Variants in POTEJ observed in about 807,000 individuals in gnomAD.
POTEJ encodes the protein POTE ankyrin domain family member J.
POTEJ carries 11 observed loss-of-function variants against 69.0 expected under a neutral mutation model. That is an observed-to-expected ratio of 0.16 (90% CI 0.10 to 0.26). The LOEUF (loss-of-function observed/expected upper bound fraction) is 0.26, where lower values mean the gene tolerates loss of function less well. Among genes scored for constraint, POTEJ ranks in the 10% least tolerant of loss-of-function variants. The pLI, the probability that POTEJ is intolerant of heterozygous loss-of-function variation, is 1.00. For missense variants in POTEJ, 327 were observed against 1,045.5 expected (o/e 0.31, Z 9.48); for synonymous variants, 117 against 381.1 (o/e 0.31, Z 8.07).
At chr2:130,646,947 C>T (rs1686599466) in intron 13 of POTEJ, among the ~76,000 whole-genome samples, 1 of 148,458 alleles carries the variant, frequency 6.7e-6, no homozygotes, top group Non-Finnish European at 1.5e-5. Context: ...CATATTCACA[C>T]ACACATATAT....
chr2:130,655,206 T>C (rs2105265966), intron 14 of POTEJ, among the ~76,000 whole-genome samples, 165 bp downstream of exon 14: 1 of 151,922 alleles, frequency 6.6e-6, no homozygotes. Context: ...GCCATGTTCT[T>C]AATTCACCTT....
chr2:130,627,042 G>A (rs1159835547), intron 6 of POTEJ, among the ~76,000 whole-genome samples: 1 of 152,166 alleles, frequency 6.6e-6, no homozygotes, highest in Non-Finnish European at 1.5e-5. Flanking sequence ...GGGGGACAGA[G>A]AGAAATGTCA....
intron 9 of POTEJ, among the ~76,000 whole-genome samples, chr2:130,633,169 G>T (rs1441505304): frequency 2.1e-5 from 3 of 142,008 alleles, no homozygotes; most frequent in Non-Finnish European, 4.6e-5. Context: ...GCATTAGTTT[G>T]CTTAGGATAA....
intron 9 of POTEJ, among the ~76,000 whole-genome samples, chr2:130,636,363 C>A (rs1573984278): frequency 1.3e-5 from 2 of 150,992 alleles, no homozygotes; most frequent in South Asian, 2.1e-4. Flanking sequence ...TTCAATGAAA[C>A]AAAGTGATTT....
intron 6 of POTEJ, among the ~76,000 whole-genome samples, chr2:130,629,261 A>T (rs559581060): frequency 1.7e-3 from 255 of 148,610 alleles, no homozygotes; most frequent in African/African-American, 6.2e-3. Context: ...CCCTGAACAA[A>T]GACAGGGCTT....
intron 8 of POTEJ, among the ~76,000 whole-genome samples, chr2:130,632,154 A>G (rs1286372852): frequency 6.6e-6 from 1 of 151,114 alleles, no homozygotes; most frequent in Non-Finnish European, 1.5e-5. Context: ...GCGTGTTCCC[A>G]TGAGTCAAAT....
intron 14 of POTEJ, among the ~76,000 whole-genome samples, chr2:130,656,262 C>A (rs1403449205): frequency 8.4e-5 from 12 of 142,696 alleles, no homozygotes; most frequent in Admixed American, 3.5e-4. Flanking sequence ...TCTTAAAAAT[C>A]CTCTAGTGAT....
At chr2:130,614,106 G>A (rs1325379761) in intron 1 of POTEJ, among the ~76,000 whole-genome samples, 2 of 123,760 alleles carry the variant, frequency 1.6e-5, no homozygotes, top group Non-Finnish European at 3.3e-5. Flanking sequence ...GCAGTGAGCC[G>A]AGATCGCGCC....
At chr2:130,655,518 A>G (rs1373252290) in intron 14 of POTEJ, among the ~76,000 whole-genome samples, 23 of 152,198 alleles carry the variant, frequency 1.5e-4, no homozygotes, top group African/African-American at 5.1e-4. Flanking sequence ...TCTCATTTCA[A>G]TGTAAAGAGG....
Position 130,645,618 on chromosome 2 carries a change from T to G in POTEJ, c.1441-119T>G, listed in dbSNP as rs1686551313. On this transcript the variant is annotated intron_variant, in intron 11 of 14. Coordinates refer to ENST00000409602, the MANE Select transcript of POTEJ (RefSeq NM_001277083.2). The stretch of plus-strand genomic sequence containing the variant: ...CAGTTTAATTTTAATTACTTTCTAA[T>G]TTTTATTGTCCATACTTGATTACTT... 4.1e-5 allele frequency: 13 copies of G among 314,758 alleles called. 2 individuals are homozygous for G. In the South Asian group the frequency reaches 9.0e-4, roughly 22 times the overall value. The allele number at this position is 314,758 out of a possible 1,614,324, so 19.5% of individuals were successfully genotyped here. A position where few individuals can be genotyped will look rare whatever the true frequency, so the allele number is the denominator to read the frequency against.
At chr2:130,628,741 G>T (rs1685794994) in intron 6 of POTEJ, among the ~76,000 whole-genome samples, 1 of 148,750 alleles carries the variant, frequency 6.7e-6, no homozygotes, top group Non-Finnish European at 1.5e-5. Flanking sequence ...TAAAAATAAG[G>T]ATAAGTGTGG....
chr2:130,649,976 C>G (rs1237350570), intron 13 of POTEJ, among the ~76,000 whole-genome samples: 6 of 152,168 alleles, frequency 3.9e-5, no homozygotes, highest in Non-Finnish European at 8.8e-5. Context: ...TGTACCAGCA[C>G]AATTCCTAGC....
intron 13 of POTEJ, among the ~76,000 whole-genome samples, chr2:130,646,963 A>T (rs553217687): frequency 3.4e-5 from 5 of 148,556 alleles, no homozygotes; most frequent in East Asian, 1.9e-4. Context: ...TATATAACAG[A>T]GTAAGCATAT....
chr2:130,643,086 G>A (rs1479581416), intron 10 of POTEJ, among the ~76,000 whole-genome samples: 1 of 147,806 alleles, frequency 6.8e-6, no homozygotes, highest in Non-Finnish European at 1.5e-5. Flanking sequence ...GAGCAGAGGG[G>A]ACAGACATGT....
At chr2:130,622,820 G>A (rs1685584502) in intron 5 of POTEJ, 1 of 151,744 alleles carries the variant, frequency 6.6e-6, no homozygotes, top group East Asian at 1.9e-4. Flanking sequence ...CACTAATCAT[G>A]TGTAAAAGTA....
intron 13 of POTEJ, among the ~76,000 whole-genome samples, chr2:130,651,939 AAAT>A (rs1455586907): frequency 7.2e-6 from 1 of 138,792 alleles, no homozygotes; most frequent in Non-Finnish European, 1.5e-5. Context: ...TTTGAATTAT[AAAT>A]AATGACATTT....
At chr2:130,629,218 A>G (rs541263881) in intron 6 of POTEJ, among the ~76,000 whole-genome samples, 11 of 146,448 alleles carry the variant, frequency 7.5e-5, no homozygotes, top group African/African-American at 2.9e-4. Flanking sequence ...TTAGGTTCGC[A>G]CCAGCTCAGC....
intron 9 of POTEJ, among the ~76,000 whole-genome samples, chr2:130,634,842 A>G (rs1686031711): frequency 6.6e-6 from 1 of 150,438 alleles, no homozygotes; most frequent in South Asian, 2.1e-4. Context: ...CTTTTCATTC[A>G]CTCTTAATCT....
chr2:130,641,599 T>G (rs1358418754), intron 10 of POTEJ, among the ~76,000 whole-genome samples: 2 of 151,470 alleles, frequency 1.3e-5, no homozygotes, highest in Admixed American at 1.3e-4. Flanking sequence ...TCAGATGATG[T>G]ACAGGTTTCC....
Sources: allele counts gnomAD v4.1 joint callset (sites outside exome capture counted in the v4.1 genomes callset), GRCh38; gene constraint gnomAD v4.1.1; transcripts MANE v1.5; gene names NCBI Gene and HGNC (gene_info 2026-07-23, HGNC 2026-07-21).